Variants in ANO1 observed in about 807,000 individuals in gnomAD.
The protein encoded by ANO1 is anoctamin 1.
Under a neutral mutation model 124.0 loss-of-function variants are expected in ANO1, and 59 were observed. That is an observed-to-expected ratio of 0.48 (90% CI 0.39 to 0.59). The LOEUF (loss-of-function observed/expected upper bound fraction) is 0.59. Among genes scored for constraint, ANO1 ranks in the 20% least tolerant of loss-of-function variants. The probability of loss-of-function intolerance (pLI) is 0.00; values close to 1 mark genes in which losing one functional copy is unlikely to be tolerated. For synonymous variants in ANO1, 529 were observed against 532.0 expected, an observed-to-expected ratio of 0.99 and a Z score of 0.08; for missense variants, 1,059 against 1,328.0, an observed-to-expected ratio of 0.80 and a Z score of 3.15.
At chr11:70,057,338 GGA>G (rs1157550244) in intron 1 of ANO1, among the ~76,000 whole-genome samples, 1 of 152,052 alleles carries the variant, frequency 6.6e-6, no homozygotes, top group East Asian at 1.9e-4. Context: ...TTAGCCTTAA[GGA>G]CTTATGGAAA....
intron 1 of ANO1, among the ~76,000 whole-genome samples, chr11:69,997,597 G>C (rs1237905943): frequency 6.6e-6 from 1 of 152,164 alleles, no homozygotes; most frequent in Non-Finnish European, 1.5e-5. Flanking sequence ...ATATGGTTTG[G>C]AGCTGTGTCC....
chr11:69,985,381 T>C (rs1343639428), upstream of ANO1, among the ~76,000 whole-genome samples: 19 of 151,850 alleles, frequency 1.3e-4, no homozygotes, highest in Non-Finnish European at 2.2e-4. Flanking sequence ...TGGATTCAAG[T>C]TCAGGACCCC....
intron 1 of ANO1, among the ~76,000 whole-genome samples, chr11:69,993,265 T>C (rs1856190990): frequency 6.6e-6 from 1 of 152,220 alleles, no homozygotes; most frequent in African/African-American, 2.4e-5. Flanking sequence ...ATCAGAATTA[T>C]TTCTGCCCAC....
At chr11:70,137,808 A>C (rs946840996) in intron 11 of ANO1, among the ~76,000 whole-genome samples, 1 of 147,546 alleles carries the variant, frequency 6.8e-6, no homozygotes, top group Non-Finnish European at 1.5e-5. Flanking sequence ...GAACGGAGAC[A>C]CAGTCCCACC....
chr11:70,140,635 C>T (rs1395413720), intron 11 of ANO1, among the ~76,000 whole-genome samples: 1 of 152,042 alleles, frequency 6.6e-6, no homozygotes, highest in African/African-American at 2.4e-5. Flanking sequence ...CCGTGCCTAC[C>T]CTAGGTACAG....
intron 2 of ANO1, among the ~76,000 whole-genome samples, chr11:70,090,629 AC>A (rs1333650271): frequency 1.1e-4 from 17 of 152,304 alleles, no homozygotes; most frequent in Admixed American, 1.0e-3. Flanking sequence ...ACGAGAAAAG[AC>A]CCTTTCCAAG....
intron 23 of ANO1, among the ~76,000 whole-genome samples, chr11:70,181,572 A>G (rs1222801545): frequency 6.6e-6 from 1 of 152,202 alleles, no homozygotes; most frequent in Non-Finnish European, 1.5e-5. Flanking sequence ...GCCTGCAACA[A>G]GCGGCGCTGT....
Position 70,156,029 on chromosome 11 carries a change from T to C in ANO1, c.1503+41T>C, listed in dbSNP as rs1265886630. Reference sequence around the variant, plus strand: ...GCGGGCAGCGCGCGTCTTGACTGTTTGCAGGCAATCAAAGTCGATTGTGTT... The same window carrying C: ...GCGGGCAGCGCGCGTCTTGACTGTTCGCAGGCAATCAAAGTCGATTGTGTT... On this transcript the variant is annotated intron_variant, in intron 15 of 25. Transcript: ENST00000355303. 1.0e-5 allele frequency: 15 copies of C among 1,442,250 alleles called. No individual in the cohort carries two copies. The East Asian group carries it at 3.9e-4, about 37-fold the overall frequency. The allele number at this position is 1,442,250 out of a possible 1,614,324, so 89.3% of individuals were successfully genotyped here. A position where few individuals can be genotyped will look rare whatever the true frequency, so the allele number is the denominator to read the frequency against.
intron 1 of ANO1, 79 bp from the exon 2 acceptor site, chr11:70,087,673 A>T: frequency 1.5e-6 from 2 of 1,316,538 alleles, no homozygotes; most frequent in Non-Finnish European, 2.0e-6. Context: ...GAGTGAGTGG[A>T]TGAAGGGAGC....
At chr11:70,089,789 G>C (rs958887837) in intron 2 of ANO1, among the ~76,000 whole-genome samples, 2 of 152,150 alleles carry the variant, frequency 1.3e-5, no homozygotes, top group African/African-American at 4.8e-5. Context: ...ATGGGTTTTC[G>C]CACGGTCCTG....
At chr11:70,077,093 A>G (rs2044070787), upstream of ANO1, among the ~76,000 whole-genome samples, 1 of 152,326 alleles carries the variant, frequency 6.6e-6, no homozygotes, top group Admixed American at 6.5e-5. Flanking sequence ...GCTTGGAACC[A>G]TGGCACGCTG....
intron 1 of ANO1, among the ~76,000 whole-genome samples, chr11:70,085,247 C>T (rs574806030): frequency 8.5e-5 from 13 of 152,266 alleles, no homozygotes; most frequent in Non-Finnish European, 1.5e-4. Context: ...TGGGGTCTTC[C>T]GTGAACCCCG....
At chr11:69,994,806 G>A (rs1465598673) in intron 1 of ANO1, among the ~76,000 whole-genome samples, 1 of 152,156 alleles carries the variant, frequency 6.6e-6, no homozygotes, top group African/African-American at 2.4e-5. Flanking sequence ...GACACAAGTG[G>A]TGTGAGTTCA....
chr11:69,976,501 C>T, the ANO1 span, among the ~76,000 whole-genome samples: 2 of 100,458 alleles, frequency 2.0e-5, no homozygotes, highest in Non-Finnish European at 3.6e-5. Context: ...AGCAAAACTC[C>T]GTCTCTAAAA....
intron 1 of ANO1, among the ~76,000 whole-genome samples, chr11:70,031,693 T>C (rs1462543400): frequency 6.6e-6 from 1 of 152,194 alleles, no homozygotes; most frequent in Non-Finnish European, 1.5e-5. Flanking sequence ...CAAAGACCCC[T>C]TCAGTGCTCT....
intron 12 of ANO1, 67 bp downstream of exon 12, chr11:70,149,859 T>TA: frequency 1.3e-6 from 2 of 1,552,124 alleles, no homozygotes; most frequent in Non-Finnish European, 1.8e-6. Flanking sequence ...AGGACCTCCT[T>TA]GGGACTTACA....
At chr11:70,009,061 C>T (rs1351061316) in intron 1 of ANO1, among the ~76,000 whole-genome samples, 2 of 152,220 alleles carry the variant, frequency 1.3e-5, no homozygotes, top group African/African-American at 4.8e-5. Context: ...CCTTTTAGGA[C>T]CTCCACAGAC....
rs1036966887 is a variant in ANO1 at position 70,127,565 on chromosome 11, G to A, written c.1097+1370G>A. 5.3e-5 allele frequency among the ~76,000 whole-genome samples: 8 copies of A among 152,182 alleles called. No individual in the cohort carries two copies. In the East Asian group the frequency reaches 9.7e-4, roughly 18 times the overall value. On this transcript the variant is annotated intron_variant, in intron 10 of 25. Coordinates refer to ENST00000355303, the MANE Select transcript of ANO1 (RefSeq NM_018043.7). ...GTCCAGTTTTGCCTGGTGCGATGGC[G>A]CATGCCTGTAATGCCAACACATTGG...
intron 2 of ANO1, among the ~76,000 whole-genome samples, chr11:70,096,676 C>T (rs900588450): frequency 5.9e-5 from 9 of 152,056 alleles, no homozygotes; most frequent in Non-Finnish European, 1.3e-4. Context: ...GCCTGGCCAA[C>T]ATAGTGAAAC....
Sources: gnomAD v4.1 joint callset for allele counts (sites outside exome capture counted in the v4.1 genomes callset) on GRCh38, gnomAD v4.1.1 for gene constraint, MANE v1.5 for transcripts, NCBI Gene and HGNC (gene_info 2026-07-23, HGNC 2026-07-21) for gene names.